Variants in CNTN6 observed in about 807,000 individuals in gnomAD.
CNTN6 encodes the protein contactin 6.
A neutral mutation model predicts 122.8 loss-of-function variants in CNTN6; 137 were observed. That is an observed-to-expected ratio of 1.12 (90% CI 0.97 to 1.29). The LOEUF is 1.29. Ranked by LOEUF, CNTN6 falls within the 50% of genes most tolerant of loss-of-function variation. The probability of loss-of-function intolerance (pLI) is 0.00; values close to 1 mark genes in which losing one functional copy is unlikely to be tolerated. For synonymous variants in CNTN6, 570 were observed against 426.0 expected (o/e 1.34, Z -4.16); for missense variants, 1,634 against 1,223.4 (o/e 1.34, Z -5.01).
At chr3:1,254,543 C>T (rs1270825062) in intron 4 of CNTN6, among the ~76,000 whole-genome samples, 2 of 152,030 alleles carry the variant, frequency 1.3e-5, no homozygotes, top group Non-Finnish European at 2.9e-5. Flanking sequence ...GAGCTATTAT[C>T]ATGTGTCAGA....
chr3:1,292,062 A>T (rs76905249), intron 5 of CNTN6, among the ~76,000 whole-genome samples: 5 of 151,974 alleles, frequency 3.3e-5, no homozygotes, highest in Non-Finnish European at 7.4e-5. Context: ...AGTAGTGTTC[A>T]TCCATACTCT....
At chr3:1,232,686 T>A (rs1464239420) in intron 4 of CNTN6, among the ~76,000 whole-genome samples, 2 of 151,820 alleles carry the variant, frequency 1.3e-5, no homozygotes, top group Non-Finnish European at 2.9e-5. Flanking sequence ...CCAGACAGAG[T>A]GAAGAGTCCT....
At chr3:1,274,500 T>C (rs1691958420) in intron 4 of CNTN6, among the ~76,000 whole-genome samples, 1 of 152,194 alleles carries the variant, frequency 6.6e-6, no homozygotes, top group Admixed American at 6.5e-5. Context: ...AATACTTTTG[T>C]TATTAAAAGT....
intron 6 of CNTN6, among the ~76,000 whole-genome samples, chr3:1,296,065 T>C (rs372037512): frequency 6.6e-6 from 1 of 152,196 alleles, no homozygotes; most frequent in East Asian, 1.9e-4. Flanking sequence ...AAAGACTGTT[T>C]TGTAAAAACA....
chr3:1,363,199 A>G (rs1190705642), intron 12 of CNTN6, among the ~76,000 whole-genome samples: 1 of 151,966 alleles, frequency 6.6e-6, no homozygotes, highest in Non-Finnish European at 1.5e-5. Context: ...TAACTTATGC[A>G]TTTCCTCACA....
At chr3:1,282,325 A>G (rs534230369) in intron 5 of CNTN6, among the ~76,000 whole-genome samples, 1 of 152,360 alleles carries the variant, frequency 6.6e-6, no homozygotes, top group Admixed American at 6.5e-5. Flanking sequence ...GAAGGGTTTT[A>G]CACGGAAAGG....
At chr3:1,398,157 G>C (rs1401934096) in intron 20 of CNTN6, among the ~76,000 whole-genome samples, 1 of 152,130 alleles carries the variant, frequency 6.6e-6, no homozygotes, top group Non-Finnish European at 1.5e-5. Context: ...CCATGTGGCA[G>C]TGTTTTGGTT....
At chr3:1,303,502 C>T (rs1280989083) in intron 7 of CNTN6, among the ~76,000 whole-genome samples, 3 of 152,286 alleles carry the variant, frequency 2.0e-5, no homozygotes, top group South Asian at 2.1e-4. Context: ...TTTATCTCCA[C>T]TCTTGCCCTT....
intron 1 of CNTN6, among the ~76,000 whole-genome samples, chr3:1,116,344 A>G (rs2091717915): frequency 6.6e-6 from 1 of 152,220 alleles, no homozygotes; most frequent in South Asian, 2.1e-4. Context: ...ATCATGAGGA[A>G]AATTGTATCA....
chr3:1,096,751 A>G (rs2090547400), intron 1 of CNTN6, among the ~76,000 whole-genome samples: 1 of 152,182 alleles, frequency 6.6e-6, no homozygotes, highest in South Asian at 2.1e-4. Flanking sequence ...AAAAGAAAGT[A>G]CTGATCGGTT....
chr3:1,235,935 G>A (rs1341237182), intron 4 of CNTN6, among the ~76,000 whole-genome samples: 2 of 152,046 alleles, frequency 1.3e-5, no homozygotes, highest in Non-Finnish European at 2.9e-5. Flanking sequence ...TGAGGCCTGT[G>A]ACTGCGTTTT....
chr3:1,228,227 T>G (rs1262571293), intron 4 of CNTN6, among the ~76,000 whole-genome samples: 1 of 152,186 alleles, frequency 6.6e-6, no homozygotes, highest in African/African-American at 2.4e-5. Context: ...TTTTGTGAAT[T>G]ATTTTTAGAA....
chr3:1,299,571 G>T (rs1414363123), intron 7 of CNTN6, among the ~76,000 whole-genome samples: 1 of 152,076 alleles, frequency 6.6e-6, no homozygotes, highest in Non-Finnish European at 1.5e-5. Flanking sequence ...TCATAATCTT[G>T]CAGGGCAAGT....
intron 1 of CNTN6, among the ~76,000 whole-genome samples, chr3:1,108,189 A>C (rs1051317201): frequency 2.0e-5 from 3 of 152,074 alleles, no homozygotes; most frequent in Non-Finnish European, 4.4e-5. Context: ...ACAATGACAT[A>C]TATCAAACTC....
intron 20 of CNTN6, among the ~76,000 whole-genome samples, chr3:1,396,692 A>G (rs867860591): frequency 6.6e-6 from 1 of 152,214 alleles, no homozygotes; most frequent in Non-Finnish European, 1.5e-5. Flanking sequence ...TTTTAAAGTA[A>G]GAAACCACAG....
intron 2 of CNTN6, among the ~76,000 whole-genome samples, chr3:1,161,824 T>G (rs2093141122): frequency 6.6e-6 from 1 of 151,764 alleles, no homozygotes; most frequent in African/African-American, 2.4e-5. Context: ...GTTCTGTACA[T>G]GTATATGTGT....
chr3:1,331,180 T>C (rs1702237958), intron 11 of CNTN6, among the ~76,000 whole-genome samples: 1 of 151,960 alleles, frequency 6.6e-6, no homozygotes, highest in Admixed American at 6.6e-5. Flanking sequence ...GAAGTGTACA[T>C]CAGAGAGCCC....
At chr3:1,118,872 C>CA (rs1194054249) in intron 1 of CNTN6, among the ~76,000 whole-genome samples, 1 of 151,540 alleles carries the variant, frequency 6.6e-6, no homozygotes, top group African/African-American at 2.4e-5. Context: ...AAAAAAAAAA[C>CA]AAACAAAACA....
At chr3:1,281,864 T>A (rs968137584) in intron 5 of CNTN6, among the ~76,000 whole-genome samples, 1 of 152,212 alleles carries the variant, frequency 6.6e-6, no homozygotes, top group Non-Finnish European at 1.5e-5. Flanking sequence ...AAACTTGATA[T>A]TATCAGAATA....
Sources: allele counts gnomAD v4.1 joint callset (sites outside exome capture counted in the v4.1 genomes callset), GRCh38; gene constraint gnomAD v4.1.1; transcripts MANE v1.5; gene names NCBI Gene and HGNC (gene_info 2026-07-23, HGNC 2026-07-21).